Variants in ABCA1 observed in about 807,000 individuals in gnomAD.
ABCA1 encodes the protein ATP binding cassette subfamily A member 1.
In ABCA1, 133 loss-of-function variants were observed where a neutral mutation model predicts 262.5. The ratio of observed to expected loss-of-function variants is 0.51; its 90% CI spans 0.44 to 0.59. ABCA1 has a LOEUF of 0.59. Among genes scored for constraint, ABCA1 ranks in the 20% least tolerant of loss-of-function variants. The pLI, the probability that ABCA1 is intolerant of heterozygous loss-of-function variation, is 0.00. For synonymous variants in ABCA1, 1,022 were observed against 1,043.5 expected (o/e 0.98, Z 0.40); for missense variants, 2,452 against 2,777.5 (o/e 0.88, Z 2.63).
At chr9:104,832,993 C>G (rs1833480079) in intron 11 of ABCA1, among the ~76,000 whole-genome samples, 1 of 152,154 alleles carries the variant, frequency 6.6e-6, no homozygotes, top group Non-Finnish European at 1.5e-5. Context: ...AGATGTGGAG[C>G]TGAGACTCAA....
chr9:104,862,415 T>C (rs1836502136), intron 5 of ABCA1, among the ~76,000 whole-genome samples: 1 of 152,068 alleles, frequency 6.6e-6, no homozygotes, highest in Non-Finnish European at 1.5e-5. Context: ...GGTCTTTCTC[T>C]TCTAAATGAT....
At chr9:104,874,866 A>C (rs1371963406) in intron 5 of ABCA1, among the ~76,000 whole-genome samples, 1 of 137,810 alleles carries the variant, frequency 7.3e-6, no homozygotes, top group Non-Finnish European at 1.5e-5. Flanking sequence ...TCCGGGAGGG[A>C]GGTGGGGGGC....
intron 5 of ABCA1, among the ~76,000 whole-genome samples, chr9:104,862,689 C>CAGGGCA (rs1836696985): frequency 3.0e-4 from 1 of 3,318 alleles, no homozygotes; most frequent in African/African-American, 1.1e-3. Flanking sequence ...CGGGCCGGGC[C>CAGGGCA]GGGCCGGGCC....
At position 104,852,434 on chromosome 9, in the gene ABCA1, G is replaced by A. The variant is rs924471296; in HGVS notation, c.720+6088C>T. The stretch of plus-strand genomic sequence containing the variant: ...AACTTTCAAATTAGATGTGTTTAAC[G>A]CATTCAAACGCTTCATTTTTTGCTG... On this transcript the variant is annotated intron_variant, in intron 7 of 49. Transcript: ENST00000374736. Among the ~76,000 whole-genome samples, 9 of 152,048 alleles carry A rather than the reference G, an allele frequency of 5.9e-5. No individual in the cohort carries two copies. In the East Asian group the frequency reaches 7.7e-4, roughly 13 times the overall value.
chr9:104,889,003 CA>C, intron 3 of ABCA1, 98 bp downstream of exon 3: 1 of 1,082,740 alleles, frequency 9.2e-7, no homozygotes, highest in Non-Finnish European at 1.4e-6. Flanking sequence ...TGATGTTTCC[CA>C]AAGACAGCAT....
chr9:104,849,764 G>A (rs566004561), intron 7 of ABCA1, among the ~76,000 whole-genome samples: 1 of 152,252 alleles, frequency 6.6e-6, no homozygotes, highest in Non-Finnish European at 1.5e-5. Flanking sequence ...AAGACTAGAA[G>A]CATGGATTTT....
At position 104,884,558 on chromosome 9, in the gene ABCA1, T is replaced by C; in HGVS notation, c.171A>G (p.Pro57=). ...PPYEQHECHF[P]NKAMPSAGTL... ...TTCCTGCAGAGGGCATGGCTTTATTTGGAAAATGGCCTGTTGAAATCGAGG... is the reference window on the plus strand; with the variant it reads ...TTCCTGCAGAGGGCATGGCTTTATTCGGAAAATGGCCTGTTGAAATCGAGG... The change falls in exon 4 of 50, where the codon CCA becomes CCG. Residue 57 remains proline (P), a synonymous_variant. Transcript: ENST00000374736. The C allele has an allele frequency of 6.2e-7, 1 of 1,614,224 alleles. No individual in the cohort carries two copies. The highest frequency in any genetic ancestry group is 8.5e-7 in the Non-Finnish European group (1 of 1,180,032).
intron 35 of ABCA1, 103 bp from the exon 36 acceptor site, chr9:104,800,091 T>A: frequency 1.5e-6 from 2 of 1,299,134 alleles, no homozygotes; most frequent in Non-Finnish European, 2.2e-6. Context: ...AAAGAAATTC[T>A]AGTCACATAC....
At chr9:104,828,786 T>A in intron 15 of ABCA1, 130 bp downstream of exon 15, 3 of 1,017,098 alleles carry the variant, frequency 2.9e-6, no homozygotes, top group Non-Finnish European at 4.5e-6. Context: ...ATGGATGAAA[T>A]TGCAGGAAAT....
chr9:104,812,928 A>G (rs1307165040), intron 27 of ABCA1, among the ~76,000 whole-genome samples: 1 of 152,262 alleles, frequency 6.6e-6, no homozygotes, highest in African/African-American at 2.4e-5. Context: ...TCTGCCTTTC[A>G]GTCCTTGTCT....
chr9:104,799,750 ATTT>A, intron 36 of ABCA1, 66 bp downstream of exon 36: 1 of 1,613,428 alleles, frequency 6.2e-7, no homozygotes, highest in Non-Finnish European at 8.5e-7. Flanking sequence ...TGAGATTCAC[ATTT>A]TTCTCCCCTT....
chr9:104,885,287 C>T (rs906539336), intron 3 of ABCA1, among the ~76,000 whole-genome samples: 6 of 152,202 alleles, frequency 3.9e-5, no homozygotes, highest in East Asian at 1.9e-4. Context: ...AAAGAACACT[C>T]GCAAAGTCAG....
chr9:104,918,017 T>C (rs1389945761), intron 1 of ABCA1, among the ~76,000 whole-genome samples: 1 of 152,230 alleles, frequency 6.6e-6, no homozygotes, highest in Non-Finnish European at 1.5e-5. Context: ...TATTGATGAT[T>C]ACAAAAATTT....
At chr9:104,854,191 T>C (rs1588412535) in intron 7 of ABCA1, among the ~76,000 whole-genome samples, 1 of 152,290 alleles carries the variant, frequency 6.6e-6, no homozygotes, top group African/African-American at 2.4e-5. Context: ...AACCAGCCCC[T>C]GCTGACAGCC....
intron 7 of ABCA1, among the ~76,000 whole-genome samples, chr9:104,847,909 AT>A (rs1338197061): frequency 1.3e-5 from 2 of 152,234 alleles, no homozygotes; most frequent in Admixed American, 1.3e-4. Flanking sequence ...TTTTACGTAT[AT>A]GTCTATATGT....
intron 34 of ABCA1, 76 bp from the exon 35 acceptor site, chr9:104,800,660 G>T: frequency 7.6e-7 from 1 of 1,323,778 alleles, no homozygotes; most frequent in Non-Finnish European, 1.1e-6. Flanking sequence ...GGAACCTGTG[G>T]ACAACAGGAC....
chr9:104,819,390 T>C lies in ABCA1; in HGVS notation c.3241+196A>G, dbSNP rs2297403. Among the ~76,000 whole-genome samples, 339 of 152,274 alleles carry C rather than the reference T, an allele frequency of 2.2e-3. 11 individuals are homozygous for C. The South Asian group carries it at 0.045, about 20-fold the overall frequency. On this transcript the variant is annotated intron_variant, in intron 22 of 49. Transcript: ENST00000374736. ...CTAACCATAAATTTAGTGCACCATGTTGGGGACAAAAAGATGAATAAAGAC... is the reference window on the plus strand; with the variant it reads ...CTAACCATAAATTTAGTGCACCATGCTGGGGACAAAAAGATGAATAAAGAC...
chr9:104,790,773 T>C (rs1829357504), intron 44 of ABCA1, 149 bp downstream of exon 44: 1 of 605,292 alleles, frequency 1.7e-6, no homozygotes. Flanking sequence ...AAATCATGGA[T>C]GATTTTATGT....
Position 104,884,643 on chromosome 9 carries a change from A to G in ABCA1, c.161-75T>C, listed in dbSNP as rs1468257303. 6.5e-6 allele frequency: 10 copies of G among 1,546,896 alleles called. No individual in the cohort carries two copies. In the Admixed American group the frequency reaches 1.7e-4, roughly 26 times the overall value. Reference sequence around the variant, plus strand: ...GAAGCGATTTTGAGGCTCCATTTATACAATGCTTCATGCCAAGTCTGTCCG... The same window carrying G: ...GAAGCGATTTTGAGGCTCCATTTATGCAATGCTTCATGCCAAGTCTGTCCG... On this transcript the variant is annotated intron_variant, in intron 3 of 49. Coordinates refer to ENST00000374736, the MANE Select transcript of ABCA1 (RefSeq NM_005502.4).
Sources: allele counts gnomAD v4.1 joint callset (sites outside exome capture counted in the v4.1 genomes callset), GRCh38; gene constraint gnomAD v4.1.1; transcripts MANE v1.5; gene names NCBI Gene and HGNC (gene_info 2026-07-23, HGNC 2026-07-21).